C17orf99: variants seen among roughly 807,000 people sequenced by gnomAD.
C17orf99 encodes protein IL-40.
In C17orf99, 18 loss-of-function variants were observed where a neutral mutation model predicts 22.6. The observed-to-expected ratio is 0.80, with a 90% confidence interval of 0.55 to 1.18. The LOEUF is 1.18. Ranked by LOEUF, C17orf99 falls within the 50% of genes most tolerant of loss-of-function variation. The pLI is 0.00. For synonymous variants in C17orf99, 147 were observed against 136.6 expected (o/e 1.08, Z -0.53); for missense variants, 328 against 342.7 (o/e 0.96, Z 0.34).
intron 2 of C17orf99, among the ~76,000 whole-genome samples, chr17:78,151,770 G>A (rs1309677644): frequency 6.6e-6 from 1 of 152,192 alleles, no homozygotes; most frequent in African/African-American, 2.4e-5. Flanking sequence ...CCCATGGGCA[G>A]GTCCTGGGAG....
intron 2 of C17orf99, among the ~76,000 whole-genome samples, chr17:78,150,123 C>T (rs2075469852): frequency 6.6e-6 from 1 of 152,172 alleles, no homozygotes; most frequent in Non-Finnish European, 1.5e-5. Context: ...ATCATCCCGC[C>T]TCAGCCTCCA....
At chr17:78,147,250 C>CT (rs2075444123) in intron 2 of C17orf99, among the ~76,000 whole-genome samples, 5 of 152,266 alleles carry the variant, frequency 3.3e-5, no homozygotes, top group African/African-American at 9.6e-5. Context: ...AGCAGAAGCC[C>CT]CCCCTGAGAC....
At chr17:78,155,957 C>G (rs191215271) in intron 2 of C17orf99, among the ~76,000 whole-genome samples, 1 of 151,968 alleles carries the variant, frequency 6.6e-6, no homozygotes, top group Admixed American at 6.6e-5. Flanking sequence ...AACAGGTCCC[C>G]GCCATTGGTA....
At chr17:78,146,308 A>T, upstream of C17orf99, 1 of 1,100,448 alleles carries the variant, frequency 9.1e-7, no homozygotes, top group Admixed American at 2.5e-5. The surrounding 1 kb of genome is among the most constrained non-coding windows in gnomAD (Gnocchi z 5.2). Flanking sequence ...TCCCCACTGC[A>T]GGCACCCACC....
At chr17:78,153,439 C>G (rs529935380) in intron 2 of C17orf99, among the ~76,000 whole-genome samples, 3 of 151,782 alleles carry the variant, frequency 2.0e-5, no homozygotes, top group African/African-American at 7.3e-5. Context: ...GAACCAAGAT[C>G]GTGTCACTGC....
chr17:78,150,120 C>T (rs1220493657), intron 2 of C17orf99, among the ~76,000 whole-genome samples: 5 of 152,092 alleles, frequency 3.3e-5, no homozygotes, highest in South Asian at 4.2e-4. Context: ...GCCATCATCC[C>T]GCCTCAGCCT....
At chr17:78,151,102 G>A (rs944934758) in intron 2 of C17orf99, among the ~76,000 whole-genome samples, 2 of 151,192 alleles carry the variant, frequency 1.3e-5, no homozygotes, top group Middle Eastern at 3.4e-3. Context: ...CAGCCTGGGC[G>A]ACAGAGTGAG....
intron 4 of C17orf99, 148 bp downstream of exon 4, chr17:78,164,512 A>G: frequency 6.5e-7 from 1 of 1,537,852 alleles, no homozygotes; most frequent in Non-Finnish European, 8.7e-7. Flanking sequence ...AACCATGCCC[A>G]CCCTGGCCCC....
intron 2 of C17orf99, among the ~76,000 whole-genome samples, chr17:78,155,261 C>T (rs59584226): frequency 6.6e-6 from 1 of 151,698 alleles, no homozygotes; most frequent in Admixed American, 6.6e-5. Flanking sequence ...TTGAGAGTTA[C>T]TGGTCTAGAA....
intron 2 of C17orf99, among the ~76,000 whole-genome samples, chr17:78,153,338 A>T (rs949785740): frequency 6.6e-6 from 1 of 152,012 alleles, no homozygotes; most frequent in Non-Finnish European, 1.5e-5. Context: ...ACAAAAAATT[A>T]GCCGGGCGTG....
intron 3 of C17orf99, 143 bp downstream of exon 3, chr17:78,161,397 C>T (rs2075575596): frequency 2.8e-6 from 2 of 719,132 alleles, no homozygotes; most frequent in Admixed American, 2.7e-5. Flanking sequence ...CTGCCACCTC[C>T]AAGGCCATTC....
intron 2 of C17orf99, among the ~76,000 whole-genome samples, chr17:78,147,303 G>C (rs1197368835): frequency 6.6e-6 from 1 of 152,218 alleles, no homozygotes; most frequent in Non-Finnish European, 1.5e-5. Flanking sequence ...TGGAGGGCTG[G>C]GGAATTCTGG....
chr17:78,157,491 C>A, intron 2 of C17orf99: 1 of 1,261,418 alleles, frequency 7.9e-7, no homozygotes, highest in African/African-American at 1.5e-5. Flanking sequence ...ATGCAGTCCT[C>A]AGCATTGTGT....
In C17orf99 at chr17:78,160,734, C is replaced by T. The variant is rs920627559; in HGVS notation, c.71-221C>T. On this transcript the variant is annotated intron_variant, in intron 2 of 4. Coordinates refer to ENST00000340363, the MANE Select transcript of C17orf99 (RefSeq NM_001163075.2). ...GAGTAGCAGGGATTACAGGTGGGCA[C>T]CACCACGCCCGGCTAATTTTTGTAT... is the stretch of plus-strand genomic sequence containing the variant. 4 of 552,370 alleles carry T rather than the reference C, an allele frequency of 7.2e-6. No individual in the cohort carries two copies. The African/African-American group carries it at 7.6e-5, about 10-fold the overall frequency. The allele number at this position is 552,370 out of a possible 1,614,324, so 34.2% of individuals were successfully genotyped here.
At chr17:78,155,592 C>G (rs577585147) in intron 2 of C17orf99, among the ~76,000 whole-genome samples, 3 of 151,960 alleles carry the variant, frequency 2.0e-5, no homozygotes, top group African/African-American at 4.8e-5. Flanking sequence ...GCTGGTATTA[C>G]GGGCCTGAGC....
In C17orf99 at chr17:78,164,054, C is replaced by T. The variant is rs781606133; in HGVS notation, c.371-41C>T. On this transcript the variant is annotated intron_variant, in intron 3 of 4. Coordinates refer to ENST00000340363, the MANE Select transcript of C17orf99 (RefSeq NM_001163075.2). Reference sequence around the variant, plus strand: ...CTTACTGAGGAGGAGGGGTTTAAAACCGCTCAGCCATGCCTGTGCTACCTT... The same window carrying T: ...CTTACTGAGGAGGAGGGGTTTAAAATCGCTCAGCCATGCCTGTGCTACCTT... 6.0e-6 allele frequency: 9 copies of T among 1,511,304 alleles called. No homozygotes were observed. The South Asian group carries it at 1.1e-4, about 18-fold the overall frequency. The allele number at this position is 1,511,304 out of a possible 1,614,324, so 93.6% of individuals were successfully genotyped here.
At chr17:78,149,860 C>G (rs1176187270) in intron 2 of C17orf99, among the ~76,000 whole-genome samples, 2 of 151,992 alleles carry the variant, frequency 1.3e-5, no homozygotes, top group Non-Finnish European at 1.5e-5. Context: ...CAGGCACATG[C>G]CACCACGCCC....
chr17:78,152,242 G>A (rs546011157), intron 2 of C17orf99, among the ~76,000 whole-genome samples: 5 of 150,472 alleles, frequency 3.3e-5, no homozygotes, highest in South Asian at 2.1e-4. Flanking sequence ...GCAGTGGCGC[G>A]ATTACAGCTC....
chr17:78,155,652 A>G (rs573194836), intron 2 of C17orf99, among the ~76,000 whole-genome samples: 6 of 151,720 alleles, frequency 4.0e-5, no homozygotes, highest in Admixed American at 3.9e-4. Context: ...TTTGAGACGG[A>G]GTCTTGCTCT....
Sources: allele counts gnomAD v4.1 joint callset (sites outside exome capture counted in the v4.1 genomes callset), GRCh38; gene constraint gnomAD v4.1.1; non-coding constraint Gnocchi (gnomAD v3.1); transcripts MANE v1.5; gene names NCBI Gene and HGNC (gene_info 2026-07-23, HGNC 2026-07-21).